HMGCLL1: variants seen among roughly 807,000 people sequenced by gnomAD.
The protein encoded by HMGCLL1 is 3-hydroxy-3-methylglutaryl-CoA lyase like 1.
HMGCLL1 carries 36 observed loss-of-function variants against 39.1 expected under a neutral mutation model. The ratio of observed to expected loss-of-function variants is 0.92; its 90% CI spans 0.71 to 1.22. HMGCLL1 has a LOEUF of 1.22. HMGCLL1 is among the 50% of genes most tolerant of loss of function. HMGCLL1 has a pLI of 0.00. For missense variants in HMGCLL1, 451 were observed against 416.5 expected, an observed-to-expected ratio of 1.08 and a Z score of -0.72; for synonymous variants, 149 against 144.0, an observed-to-expected ratio of 1.03 and a Z score of -0.25.
chr6:55,651,309 T>G, the HMGCLL1 span, among the ~76,000 whole-genome samples: 4 of 152,062 alleles, frequency 2.6e-5, no homozygotes, highest in East Asian at 7.8e-4. Context: ...CCAGTAGTGG[T>G]GGCCACAGGG....
intron 3 of HMGCLL1, among the ~76,000 whole-genome samples, chr6:55,530,046 C>T (rs942769585): frequency 1.5e-5 from 2 of 133,308 alleles, no homozygotes; most frequent in Non-Finnish European, 3.1e-5. Flanking sequence ...CTCAGAAAAC[C>T]TGAAACCTGG....
intron 7 of HMGCLL1, among the ~76,000 whole-genome samples, chr6:55,484,913 T>A (rs1765938976): frequency 6.6e-6 from 1 of 152,000 alleles, no homozygotes; most frequent in Non-Finnish European, 1.5e-5. Context: ...CCCTGTAATT[T>A]TTTTTTTCCA....
chr6:55,583,549 T>C (rs1478748218), upstream of HMGCLL1, among the ~76,000 whole-genome samples: 8 of 152,160 alleles, frequency 5.3e-5, no homozygotes, highest in East Asian at 1.4e-3. Context: ...GGCTGCATAG[T>C]ATTCCATGGT....
chr6:55,666,934 ATTT>A, the HMGCLL1 span, among the ~76,000 whole-genome samples: 1 of 147,188 alleles, frequency 6.8e-6, no homozygotes, highest in Admixed American at 6.8e-5. Context: ...ACAATCTTTT[ATTT>A]TTTTTTTTCA....
At chr6:55,643,975 T>G in the HMGCLL1 span, among the ~76,000 whole-genome samples, 4 of 152,000 alleles carry the variant, frequency 2.6e-5, no homozygotes, top group East Asian at 3.9e-4. Flanking sequence ...TTTGAGGAAC[T>G]TCCAAACTGT....
chr6:55,577,113 C>T (rs751656245), intron 1 of HMGCLL1: 2 of 1,612,452 alleles, frequency 1.2e-6, no homozygotes, highest in East Asian at 4.5e-5. Flanking sequence ...GCCAAGGAGA[C>T]TGAGAAGCCA....
the HMGCLL1 span, among the ~76,000 whole-genome samples, chr6:55,630,894 G>A: frequency 0.079 from 12,053 of 152,048 alleles, 679 homozygotes; most frequent in East Asian, 0.23. Flanking sequence ...GCCCAGTCTC[G>A]GGTATTTTTT....
chr6:55,510,647 G>C (rs1225305132), intron 5 of HMGCLL1, among the ~76,000 whole-genome samples: 4 of 107,958 alleles, frequency 3.7e-5, no homozygotes, highest in Non-Finnish European at 7.2e-5. Context: ...GTTGTGGGGT[G>C]GGGGGAGGGG....
chr6:55,635,964 C>A, the HMGCLL1 span, among the ~76,000 whole-genome samples: 14 of 152,064 alleles, frequency 9.2e-5, no homozygotes, highest in Non-Finnish European at 1.9e-4. Context: ...ACCCTCTGAC[C>A]CAGATATTAG....
the HMGCLL1 span, among the ~76,000 whole-genome samples, chr6:55,642,052 T>TC: frequency 1.2e-5 from 1 of 82,294 alleles, no homozygotes; most frequent in Admixed American, 1.6e-4. Flanking sequence ...ATGCTATCCC[T>TC]CCCCCCTCCC....
intron 4 of HMGCLL1, among the ~76,000 whole-genome samples, chr6:55,515,549 G>A (rs1226161365): frequency 1.3e-5 from 2 of 152,064 alleles, no homozygotes; most frequent in Non-Finnish European, 2.9e-5. Flanking sequence ...CACACAGGGA[G>A]TAAAAGTTCT....
intron 1 of HMGCLL1, among the ~76,000 whole-genome samples, chr6:55,565,786 T>TG (rs925267589): frequency 1.2e-4 from 19 of 152,150 alleles, no homozygotes; most frequent in African/African-American, 4.1e-4. Flanking sequence ...CATAAGGGAA[T>TG]GGGGGCTAAG....
chr6:55,650,630 A>C, the HMGCLL1 span, among the ~76,000 whole-genome samples: 1 of 152,030 alleles, frequency 6.6e-6, no homozygotes, highest in Non-Finnish European at 1.5e-5. Flanking sequence ...CAGCATGGCA[A>C]GTTCCCCTAT....
At chr6:55,554,973 C>T (rs1038753210) in intron 1 of HMGCLL1, among the ~76,000 whole-genome samples, 2 of 152,200 alleles carry the variant, frequency 1.3e-5, no homozygotes, top group African/African-American at 2.4e-5. Context: ...TCTACTTCCA[C>T]TCTTGCCACC....
chr6:55,566,562 A>T (rs1267951877), intron 1 of HMGCLL1: 2 of 455,372 alleles, frequency 4.4e-6, no homozygotes, highest in African/African-American at 4.0e-5. Context: ...TAGCTTAGAC[A>T]TTGCAACAGA....
At chr6:55,585,327 A>G in the HMGCLL1 span, among the ~76,000 whole-genome samples, 1 of 152,128 alleles carries the variant, frequency 6.6e-6, no homozygotes, top group African/African-American at 2.4e-5. Flanking sequence ...CTGTATTGCA[A>G]AATAAAAGAC....
intron 3 of HMGCLL1, among the ~76,000 whole-genome samples, chr6:55,533,598 C>T (rs1453924826): frequency 2.6e-5 from 4 of 151,828 alleles, no homozygotes; most frequent in African/African-American, 7.3e-5. Flanking sequence ...GAAGTTACAA[C>T]AGACTCGGCC....
intron 7 of HMGCLL1, among the ~76,000 whole-genome samples, chr6:55,447,105 A>T (rs1763885102): frequency 6.6e-6 from 1 of 151,962 alleles, no homozygotes; most frequent in Non-Finnish European, 1.5e-5. Flanking sequence ...AAAGGACTGA[A>T]ATTACCCATA....
chr6:55,465,136 T>C (rs918109371), intron 7 of HMGCLL1, among the ~76,000 whole-genome samples: 2 of 152,216 alleles, frequency 1.3e-5, no homozygotes, highest in African/African-American at 2.4e-5. Context: ...TTTTAATATG[T>C]ATTTGGTTTA....
Sources: allele counts gnomAD v4.1 joint callset (sites outside exome capture counted in the v4.1 genomes callset), GRCh38; gene constraint gnomAD v4.1.1; transcripts MANE v1.5; gene names NCBI Gene and HGNC (gene_info 2026-07-23, HGNC 2026-07-21).